Variants in ERC2 observed in about 807,000 individuals in gnomAD.
ERC2 encodes ELKS/RAB6-interacting/CAST family member 2.
A neutral mutation model predicts 114.8 loss-of-function variants in ERC2; 42 were observed. The ratio of observed to expected loss-of-function variants is 0.37; its 90% confidence interval spans 0.29 to 0.47. The LOEUF (loss-of-function observed/expected upper bound fraction) is 0.47, where lower values mean the gene tolerates loss of function less well. Among genes scored for constraint, ERC2 ranks in the 20% least tolerant of loss-of-function variants. The pLI is 0.99. For missense variants in ERC2, 939 were observed against 1,150.7 expected, an observed-to-expected ratio of 0.82 and a Z score of 2.66; for synonymous variants, 454 against 425.5, an observed-to-expected ratio of 1.07 and a Z score of -0.82.
chr3:55,538,621 T>C (rs966948359), intron 17 of ERC2, among the ~76,000 whole-genome samples: 1 of 152,222 alleles, frequency 6.6e-6, no homozygotes, highest in African/African-American at 2.4e-5. Flanking sequence ...GAAAAGGGCA[T>C]TTTTGGATTC....
At chr3:56,360,302 G>C (rs1038607458) in intron 2 of ERC2, among the ~76,000 whole-genome samples, 1 of 151,924 alleles carries the variant, frequency 6.6e-6, no homozygotes, top group African/African-American at 2.4e-5. Flanking sequence ...CCAAAGTGCT[G>C]GGATTACAAG....
intron 17 of ERC2, among the ~76,000 whole-genome samples, chr3:55,641,099 T>G (rs2060160997): frequency 6.6e-6 from 1 of 152,150 alleles, no homozygotes; most frequent in African/African-American, 2.4e-5. Context: ...TTTTCTATTT[T>G]ATGGGGAATC....
intron 15 of ERC2, among the ~76,000 whole-genome samples, chr3:55,721,629 G>C (rs1257025290): frequency 6.6e-6 from 1 of 152,226 alleles, no homozygotes; most frequent in African/African-American, 2.4e-5. Flanking sequence ...AGCTGGGCTA[G>C]AACTCTTGGG....
intron 2 of ERC2, among the ~76,000 whole-genome samples, chr3:56,383,916 T>C (rs540177900): frequency 1.3e-5 from 2 of 152,324 alleles, no homozygotes; most frequent in East Asian, 3.9e-4. Flanking sequence ...TGAATTTGAC[T>C]ACTCTAGGTG....
intron 2 of ERC2, among the ~76,000 whole-genome samples, chr3:56,298,311 A>G (rs986502287): frequency 4.6e-5 from 7 of 152,220 alleles, no homozygotes; most frequent in African/African-American, 1.7e-4. Context: ...AGGTTTATCC[A>G]TGTGGTAGTG....
chr3:55,642,462 G>A (rs2060228612), intron 17 of ERC2, among the ~76,000 whole-genome samples: 1 of 151,686 alleles, frequency 6.6e-6, no homozygotes, highest in Non-Finnish European at 1.5e-5. Context: ...AGCCTCCCAA[G>A]TAGCTGGGAC....
In ERC2 at chr3:56,149,034, T is replaced by G; in HGVS notation, c.1248A>C (p.Glu416Asp). The change falls in exon 5 of 18, where the codon GAA becomes GAC. Residue 416 changes from glutamate to aspartate, a missense_variant. Around this residue, in one of 5 missense-constraint regions of ERC2, gnomAD observed 148 missense variants for 159.1 expected, o/e 0.93. Transcript: ENST00000288221. ...ANGVLNTEDR[E>D]EEIKQIEVYK... ...AAACCTCAATTTGTTTGATCTCTTCTTCGCGGTCCTCAGTGTTCAGCACAC... is the reference window on the plus strand; with the variant it reads ...AAACCTCAATTTGTTTGATCTCTTCGTCGCGGTCCTCAGTGTTCAGCACAC... 3 of 1,613,548 alleles carry G rather than the reference T, an allele frequency of 1.9e-6. No individual in the cohort carries two copies. The highest frequency in any genetic ancestry group is 2.5e-6 in the Non-Finnish European group (3 of 1,179,620).
intron 3 of ERC2, among the ~76,000 whole-genome samples, chr3:56,245,484 G>A (rs530653461): frequency 2.2e-4 from 31 of 142,736 alleles, no homozygotes; most frequent in African/African-American, 6.6e-4. Context: ...TTTGCCAGAC[G>A]TATGTATGTG....
At chr3:55,855,209 A>G (rs574579141) in intron 14 of ERC2, among the ~76,000 whole-genome samples, 11 of 152,346 alleles carry the variant, frequency 7.2e-5, no homozygotes, top group Non-Finnish European at 1.5e-4. Context: ...GGTGTAAACC[A>G]TACCAATATG....
At chr3:55,511,957 G>A (rs2052100379) in intron 17 of ERC2, among the ~76,000 whole-genome samples, 1 of 152,180 alleles carries the variant, frequency 6.6e-6, no homozygotes, top group African/African-American at 2.4e-5. Flanking sequence ...CCCTGCTGAT[G>A]CTCAACTTTG....
chr3:56,071,124 A>AGGGG (rs1436965338), intron 7 of ERC2, among the ~76,000 whole-genome samples: 1 of 152,176 alleles, frequency 6.6e-6, no homozygotes, highest in East Asian at 1.9e-4. Context: ...CAACTTCTTC[A>AGGGG]ATAATATATG....
chr3:56,059,342 G>A (rs1247485257), intron 7 of ERC2, among the ~76,000 whole-genome samples: 32 of 152,168 alleles, frequency 2.1e-4, no homozygotes, highest in Non-Finnish European at 4.4e-5. Context: ...GCCCACCTCG[G>A]CCTCCCAAAG....
intron 1 of ERC2, among the ~76,000 whole-genome samples, chr3:56,464,985 T>C (rs527608198): frequency 2.0e-5 from 3 of 152,228 alleles, no homozygotes; most frequent in Admixed American, 6.5e-5. Flanking sequence ...GGTAAATTTG[T>C]GGACTGCAAT....
At chr3:55,631,095 C>T (rs891404981) in intron 17 of ERC2, among the ~76,000 whole-genome samples, 3 of 151,896 alleles carry the variant, frequency 2.0e-5, no homozygotes, top group African/African-American at 7.3e-5. Flanking sequence ...AAGTGATTGT[C>T]TCATGGTGGT....
chr3:55,555,837 G>A (rs2055565578), intron 17 of ERC2, among the ~76,000 whole-genome samples: 1 of 152,206 alleles, frequency 6.6e-6, no homozygotes, highest in East Asian at 1.9e-4. Context: ...CTGTGGAGTT[G>A]CTGAAATCCG....
intron 17 of ERC2, among the ~76,000 whole-genome samples, chr3:55,662,174 T>TC (rs2061166561): frequency 6.6e-6 from 1 of 152,104 alleles, no homozygotes. Flanking sequence ...ATCCTGTTCT[T>TC]ATCAGCTTAT....
chr3:55,784,680 T>C (rs888667680), intron 14 of ERC2, among the ~76,000 whole-genome samples: 1 of 152,218 alleles, frequency 6.6e-6, no homozygotes, highest in African/African-American at 2.4e-5. Context: ...GTTTTGTGTA[T>C]TCTTCTTAAT....
rs2054801294 is a variant in ERC2 at position 55,546,999 on chromosome 3, C to T, written c.*40-35723G>A. ...TTAAGTCCCATTTTTCCCACTCAGCCCTGGGACTTTGAGACAACTTCTCAA... is the reference window on the plus strand; with the variant it reads ...TTAAGTCCCATTTTTCCCACTCAGCTCTGGGACTTTGAGACAACTTCTCAA... On this transcript the variant is annotated intron_variant, in intron 17 of 17. Coordinates refer to ENST00000288221, the MANE Select transcript of ERC2 (RefSeq NM_015576.3). Among the ~76,000 whole-genome samples, 4 of 152,252 alleles carry T rather than the reference C, an allele frequency of 2.6e-5. No homozygotes were observed. In the South Asian group the frequency reaches 8.3e-4, roughly 31 times the overall value.
At position 56,235,461 on chromosome 3, in the gene ERC2, C is replaced by T. The variant is rs139708919; in HGVS notation, c.1074+60558G>A. 9.4e-3 allele frequency among the ~76,000 whole-genome samples: 1,435 copies of T among 152,278 alleles called. 82 individuals are homozygous for T. The highest frequency in any genetic ancestry group is 0.086 in the Admixed American group (1,313 of 15,294). ...CTAGCATTGTAGATAGTTGCCAATG[C>T]TTTTTTGAAAAATAAGATTTCACAA... On this transcript the variant is annotated intron_variant, in intron 3 of 17. Coordinates refer to ENST00000288221, the MANE Select transcript of ERC2 (RefSeq NM_015576.3).
Sources: allele counts gnomAD v4.1 joint callset (sites outside exome capture counted in the v4.1 genomes callset), GRCh38; gene constraint gnomAD v4.1.1; regional missense constraint gnomAD v4.1.1; transcripts MANE v1.5; gene names NCBI Gene and HGNC (gene_info 2026-07-23, HGNC 2026-07-21).